Variants in MAST4 observed in about 807,000 individuals in gnomAD.
MAST4 encodes microtubule-associated serine/threonine-protein kinase 4.
In MAST4, 89 loss-of-function variants were observed where a neutral mutation model predicts 162.7. That is an observed-to-expected ratio of 0.55 (90% CI 0.46 to 0.65). MAST4 has a LOEUF of 0.65. MAST4 is among the 30% of genes least tolerant of loss of function. MAST4 has a pLI of 0.00. For synonymous variants in MAST4, 1,479 were observed against 1,361.1 expected, an observed-to-expected ratio of 1.09 and a Z score of -1.91; for missense variants, 3,153 against 3,374.0, an observed-to-expected ratio of 0.93 and a Z score of 1.62.
At chr5:67,044,059 A>T (rs1757082511) in intron 4 of MAST4, among the ~76,000 whole-genome samples, 1 of 152,232 alleles carries the variant, frequency 6.6e-6, no homozygotes, top group Non-Finnish European at 1.5e-5. Context: ...AGATTAGGCC[A>T]TGTGAGTTTT....
intron 4 of MAST4, among the ~76,000 whole-genome samples, chr5:67,044,749 C>G (rs532236682): frequency 1.3e-5 from 2 of 152,318 alleles, no homozygotes; most frequent in Admixed American, 6.5e-5. Context: ...CTGGCCTTAA[C>G]GAGCCTTCCT....
intron 4 of MAST4, among the ~76,000 whole-genome samples, chr5:66,981,600 A>G (rs899468423): frequency 6.6e-6 from 1 of 152,230 alleles, no homozygotes; most frequent in Admixed American, 6.5e-5. Flanking sequence ...ATTGGCCAGA[A>G]GCTTCAGATG....
At chr5:67,053,670 A>G (rs1032554701) in intron 4 of MAST4, among the ~76,000 whole-genome samples, 1 of 152,186 alleles carries the variant, frequency 6.6e-6, no homozygotes, top group African/African-American at 2.4e-5. Flanking sequence ...TTTGAAATCA[A>G]ATTAGCCATT....
At chr5:66,919,943 TC>T (rs879298279) in intron 4 of MAST4, among the ~76,000 whole-genome samples, 1,506 of 142,258 alleles carry the variant, frequency 0.011, 53 homozygotes, top group South Asian at 0.093. Flanking sequence ...CTTCCTTCCT[TC>T]CTTCCTTCCT....
chr5:67,144,888 G>A, intron 22 of MAST4, 92 bp downstream of exon 22: 1 of 1,425,290 alleles, frequency 7.0e-7, no homozygotes, highest in South Asian at 1.4e-5. Flanking sequence ...TGGGGGGCTT[G>A]TTAAAACACA....
Position 66,776,844 on chromosome 5 carries a change from A to G in MAST4, c.518-11826A>G, listed in dbSNP as rs1026669703. Among the ~76,000 whole-genome samples the G allele has an allele frequency of 2.6e-5, 4 of 152,300 alleles. No homozygotes were observed. In the South Asian group the frequency reaches 8.3e-4, roughly 32 times the overall value. Reference sequence around the variant, plus strand: ...TACAGAAATAAATGGCACTCTGTACATGTGCACCCACACACAGCAGTGGGT... The same window carrying G: ...TACAGAAATAAATGGCACTCTGTACGTGTGCACCCACACACAGCAGTGGGT... On this transcript the variant is annotated intron_variant, in intron 2 of 28. Transcript: ENST00000403625.
At chr5:66,808,113 C>G (rs992197739) in intron 3 of MAST4, among the ~76,000 whole-genome samples, 2 of 152,234 alleles carry the variant, frequency 1.3e-5, no homozygotes, top group African/African-American at 4.8e-5. Flanking sequence ...TTCCGTGTCA[C>G]AGTCTTCAGC....
intron 3 of MAST4, among the ~76,000 whole-genome samples, chr5:66,821,589 T>C (rs1756999169): frequency 6.6e-6 from 1 of 152,168 alleles, no homozygotes; most frequent in South Asian, 2.1e-4. Flanking sequence ...GGCGGTAGTA[T>C]TGTAATATTA....
intron 3 of MAST4, among the ~76,000 whole-genome samples, chr5:66,808,481 TCAAG>T (rs769500200): frequency 2.0e-5 from 3 of 152,210 alleles, no homozygotes; most frequent in Non-Finnish European, 2.9e-5. Context: ...AGAGGTCAAA[TCAAG>T]CAAGAAGAAT....
chr5:66,895,062 T>C (rs774326857), intron 3 of MAST4, among the ~76,000 whole-genome samples: 10 of 152,158 alleles, frequency 6.6e-5, no homozygotes, highest in Non-Finnish European at 1.5e-4. Flanking sequence ...TCCCTGGGTG[T>C]GGTCATACTT....
intron 1 of MAST4, among the ~76,000 whole-genome samples, chr5:66,747,446 T>C (rs1752838910): frequency 6.6e-6 from 1 of 152,196 alleles, no homozygotes; most frequent in Non-Finnish European, 1.5e-5. Flanking sequence ...ACACATTCTA[T>C]TGATGCATTC....
Position 66,788,808 on chromosome 5 carries a change from G to T in MAST4, c.642+14G>T. On this transcript the variant is annotated intron_variant, in intron 3 of 28. Transcript: ENST00000403625. ...ACCGCCAGCCTGGTGAGTGTCCGCG[G>T]GCGCCGGTGGAGGCTGCTCCAGCTC... 6.5e-7 allele frequency: 1 copy of T among 1,545,064 alleles called. No homozygotes were observed. Among genetic ancestry groups the T allele is most frequent in the Non-Finnish European group, 8.7e-7 (1 of 1,149,320 alleles).
Position 66,668,037 on chromosome 5 carries a change from G to A in MAST4, c.363+71019G>A, listed in dbSNP as rs577710706. 4.5e-4 allele frequency among the ~76,000 whole-genome samples: 68 copies of A among 152,252 alleles called. 3 individuals carry two copies. In the East Asian group the frequency reaches 0.013, roughly 28 times the overall value. On this transcript the variant is annotated intron_variant, in intron 1 of 28. Transcript: ENST00000403625. ...ATTTAAATGAGGAAGTAATTCCATG[G>A]GATCAGTGAGTTGTTTCATGGCTTT...
intron 5 of MAST4, among the ~76,000 whole-genome samples, chr5:67,062,622 C>G (rs1157903699): frequency 6.6e-6 from 1 of 152,124 alleles, no homozygotes; most frequent in African/African-American, 2.4e-5. Context: ...CAAATAGTTC[C>G]CTTGCCTCTT....
At chr5:66,818,335 A>C (rs111874405) in intron 3 of MAST4, among the ~76,000 whole-genome samples, 2 of 152,158 alleles carry the variant, frequency 1.3e-5, no homozygotes. Context: ...CATGGACTCA[A>C]TGTATACCTT....
chr5:67,093,817 A>G (rs769775394), intron 6 of MAST4, among the ~76,000 whole-genome samples: 6 of 152,204 alleles, frequency 3.9e-5, no homozygotes, highest in African/African-American at 7.2e-5. Flanking sequence ...GATAATTGCT[A>G]TTAAAGGGAC....
rs1375644933 is a variant in MAST4 at position 67,142,869 on chromosome 5, G to A, written c.2730+336G>A. The A allele has an allele frequency of 1.6e-5, 3 of 188,220 alleles. No individual in the cohort carries two copies. In the East Asian group the frequency reaches 4.2e-4, roughly 27 times the overall value. 11.7% of individuals were successfully genotyped at this position (188,220 alleles called of 1,614,324 possible). On this transcript the variant is annotated intron_variant, in intron 21 of 28. Transcript: ENST00000403625. ...AAATTAAGATATTGTTTTCTTAGAG[G>A]CATAGCCTTGCACCCACAGTCTTGT...
intron 18 of MAST4, among the ~76,000 whole-genome samples, chr5:67,135,144 A>G (rs1353294465): frequency 2.0e-5 from 3 of 152,230 alleles, no homozygotes; most frequent in African/African-American, 4.8e-5. Flanking sequence ...AATGTCTACC[A>G]AATAATAAAT....
intron 19 of MAST4, among the ~76,000 whole-genome samples, chr5:67,140,926 T>A (rs995446932): frequency 6.6e-6 from 1 of 152,242 alleles, no homozygotes; most frequent in African/African-American, 2.4e-5. Context: ...CCCCCCTTTT[T>A]GGGTAGTTTC....
Sources: allele counts gnomAD v4.1 joint callset (sites outside exome capture counted in the v4.1 genomes callset), GRCh38; gene constraint gnomAD v4.1.1; transcripts MANE v1.5; gene names NCBI Gene and HGNC (gene_info 2026-07-23, HGNC 2026-07-21).